Variants in RBFOX1 observed in about 807,000 individuals in gnomAD.
The protein encoded by RBFOX1 is RNA binding protein fox-1 homolog 1.
A neutral mutation model predicts 57.7 loss-of-function variants in RBFOX1; 8 were observed. The ratio of observed to expected loss-of-function variants is 0.14; its 90% confidence interval spans 0.08 to 0.25. The LOEUF is 0.25. RBFOX1 is among the 10% of genes least tolerant of loss of function. The pLI is 1.00. For missense variants in RBFOX1, 611 were observed against 548.5 expected (o/e 1.11, Z -1.14); for synonymous variants, 326 against 222.4 (o/e 1.47, Z -4.15).
intron 4 of RBFOX1, among the ~76,000 whole-genome samples, chr16:7,390,327 G>C (rs1181910857): frequency 6.6e-6 from 1 of 152,090 alleles, no homozygotes; most frequent in Non-Finnish European, 1.5e-5. Context: ...ACAATAGAGA[G>C]AATACATTAT....
intron 5 of RBFOX1, among the ~76,000 whole-genome samples, chr16:7,548,052 T>C (rs17144095): frequency 0.077 from 11,774 of 152,296 alleles, 637 homozygotes; most frequent in East Asian, 0.25. Context: ...GAAAATAAGC[T>C]AGACAGGCAC....
intron 2 of RBFOX1, among the ~76,000 whole-genome samples, chr16:6,546,030 C>T (rs772672956): frequency 2.0e-5 from 3 of 152,158 alleles, no homozygotes; most frequent in Non-Finnish European, 2.9e-5. Flanking sequence ...AAATAAAATA[C>T]ACAAACACTA....
intron 1 of RBFOX1, among the ~76,000 whole-genome samples, chr16:6,275,737 A>C (rs1284421143): frequency 6.6e-6 from 1 of 152,250 alleles, no homozygotes; most frequent in Non-Finnish European, 1.5e-5. Context: ...AAGGATACAT[A>C]AATGCCATAG....
intron 1 of RBFOX1, among the ~76,000 whole-genome samples, chr16:5,331,998 C>T (rs938758): frequency 0.93 from 142,221 of 152,284 alleles, 67,179 homozygotes; most frequent in East Asian, 1. Context: ...CTATTTCTAG[C>T]CTCTGATTGT....
intron 3 of RBFOX1, among the ~76,000 whole-genome samples, chr16:6,692,320 G>C (rs1007868455): frequency 1.0e-5 from 1 of 98,776 alleles, no homozygotes; most frequent in South Asian, 4.6e-4. Flanking sequence ...AGCAGATGTC[G>C]TTTTCACTAA....
chr16:5,375,450 T>C (rs2065961195), intron 1 of RBFOX1, among the ~76,000 whole-genome samples: 1 of 151,938 alleles, frequency 6.6e-6, no homozygotes, highest in Admixed American at 6.5e-5. Flanking sequence ...GATCCTAGCC[T>C]GAGAGTCTGG....
chr16:7,213,167 C>A (rs541526338), intron 4 of RBFOX1, among the ~76,000 whole-genome samples: 1 of 152,302 alleles, frequency 6.6e-6, no homozygotes, highest in East Asian at 1.9e-4. Flanking sequence ...CACCTCAAAA[C>A]ACTGTCAGGA....
At position 7,712,821 on chromosome 16, in the gene RBFOX1, T is replaced by C. The variant is rs749573383; in HGVS notation, c.*2076T>C. 2.0e-5 allele frequency: 3 copies of C among 152,236 alleles called. No individual in the cohort carries two copies. Among genetic ancestry groups the C allele is most frequent in the Non-Finnish European group, 2.9e-5 (2 of 68,042 alleles). The allele number at this position is 152,236 out of a possible 1,614,324, so 9.4% of individuals were successfully genotyped here. A position where few individuals can be genotyped will look rare whatever the true frequency, so the allele number is the denominator to read the frequency against. On this transcript the variant is annotated 3_prime_UTR_variant, in exon 16 of 16. Transcript: ENST00000550418. ...GCTATGGAGAATAAATTTCTCCCAA[T>C]TGCCGCCTCAGATTTCAAAATCCAG...
chr16:7,187,709 A>G, intron 4 of RBFOX1, among the ~76,000 whole-genome samples: 1 of 143,634 alleles, frequency 7.0e-6, no homozygotes, highest in African/African-American at 2.8e-5. Flanking sequence ...AAAAAAAAAA[A>G]AAAAAAAAAA....
intron 4 of RBFOX1, among the ~76,000 whole-genome samples, chr16:7,457,818 T>TAA (rs150655825): frequency 2.9e-4 from 43 of 150,190 alleles, no homozygotes; most frequent in African/African-American, 9.0e-4. Context: ...AAAGTTGTCT[T>TAA]AAAAAAAAAA....
At chr16:6,126,253 G>A (rs1438314209) in intron 1 of RBFOX1, among the ~76,000 whole-genome samples, 4 of 152,172 alleles carry the variant, frequency 2.6e-5, no homozygotes, top group Non-Finnish European at 4.4e-5. Context: ...AGTCAAGAGC[G>A]CCAGCGCATC....
intron 4 of RBFOX1, among the ~76,000 whole-genome samples, chr16:7,301,432 T>C (rs1172511254): frequency 6.6e-6 from 1 of 152,192 alleles, no homozygotes; most frequent in Non-Finnish European, 1.5e-5. Flanking sequence ...ATCTTCAGTG[T>C]GTCTGACTGT....
chr16:6,699,839 C>G (rs1295459371), intron 3 of RBFOX1, among the ~76,000 whole-genome samples: 2 of 152,112 alleles, frequency 1.3e-5, no homozygotes, highest in Non-Finnish European at 2.9e-5. Flanking sequence ...AGATAAGTGT[C>G]AAATGAGGGG....
intron 2 of RBFOX1, among the ~76,000 whole-genome samples, chr16:6,482,365 G>A (rs2095384481): frequency 6.6e-6 from 1 of 152,202 alleles, no homozygotes; most frequent in Admixed American, 6.5e-5. Context: ...ACATCCAAGA[G>A]TCATTTCCCC....
chr16:5,968,256 G>A (rs780478170), intron 4 of RBFOX1, among the ~76,000 whole-genome samples: 7 of 152,016 alleles, frequency 4.6e-5, no homozygotes, highest in Non-Finnish European at 1.0e-4. Flanking sequence ...TGTATTTTTA[G>A]TAGAGATGGG....
intron 3 of RBFOX1, among the ~76,000 whole-genome samples, chr16:6,755,216 A>G (rs2075593337): frequency 6.6e-6 from 1 of 152,194 alleles, no homozygotes. Context: ...TTGGGTGTAT[A>G]CCCAGTAATG....
intron 3 of RBFOX1, among the ~76,000 whole-genome samples, chr16:5,758,693 G>A (rs180740339): frequency 6.6e-6 from 1 of 152,308 alleles, no homozygotes; most frequent in East Asian, 1.9e-4. Context: ...ATGATGTGTT[G>A]TAAGTACAAG....
intron 2 of RBFOX1, among the ~76,000 whole-genome samples, chr16:6,377,088 C>A (rs1031434304): frequency 2.6e-5 from 4 of 151,598 alleles, no homozygotes; most frequent in African/African-American, 9.7e-5. Context: ...GCCTGGGCAA[C>A]ATGGAAAAAT....
chr16:6,617,486 CTT>C (rs993922453), intron 2 of RBFOX1, among the ~76,000 whole-genome samples: 6 of 151,886 alleles, frequency 4.0e-5, no homozygotes, highest in Non-Finnish European at 7.4e-5. Context: ...TGATTTCAAA[CTT>C]GTATTTTTCC....
Sources: gnomAD v4.1 joint callset for allele counts (sites outside exome capture counted in the v4.1 genomes callset) on GRCh38, gnomAD v4.1.1 for gene constraint, MANE v1.5 for transcripts, NCBI Gene and HGNC (gene_info 2026-07-23, HGNC 2026-07-21) for gene names.